Variants in MYH7B observed in about 807,000 individuals in gnomAD.
MYH7B encodes the protein myosin-7B.
A neutral mutation model predicts 234.5 loss-of-function variants in MYH7B; 205 were observed. The observed-to-expected ratio is 0.87, with a 90% CI of 0.78 to 0.98. The LOEUF (loss-of-function observed/expected upper bound fraction) is 0.98, where lower values mean the gene tolerates loss of function less well. Ranked by LOEUF, MYH7B falls within the 50% of genes least tolerant of loss-of-function variation. The probability of loss-of-function intolerance (pLI) is 0.00; values close to 1 mark genes in which losing one functional copy is unlikely to be tolerated. For missense variants in MYH7B, 2,652 were observed against 2,633.4 expected (o/e 1.01, Z -0.15); for synonymous variants, 1,193 against 1,105.0 (o/e 1.08, Z -1.58).
chr20:34,962,691 G>A (rs960637485), intron 2 of MYH7B, among the ~76,000 whole-genome samples: 4 of 152,002 alleles, frequency 2.6e-5, no homozygotes, highest in African/African-American at 9.7e-5. Flanking sequence ...GCAGTGGTGC[G>A]ATCATAGCTC....
At chr20:34,997,620 G>A in exon 32 of MYH7B, 3 of 1,613,542 alleles carry the variant, frequency 1.9e-6, no homozygotes, top group Admixed American at 3.3e-5. Flanking sequence ...TGCCAACGTG[G>A]AGACTCTGAC....
chr20:34,981,139 A>G, intron 9 of MYH7B, 79 bp downstream of exon 9: 2 of 1,573,620 alleles, frequency 1.3e-6, no homozygotes, highest in Non-Finnish European at 1.7e-6. Context: ...GTCATTTCCC[A>G]GGATTGAATC....
exon 44 of MYH7B, chr20:35,001,971 G>T (rs751209114): frequency 1.9e-6 from 3 of 1,613,732 alleles, no homozygotes; most frequent in South Asian, 2.2e-5. Context: ...ACACCAACCT[G>T]GCCAAGTATC....
intron 27 of MYH7B, among the ~76,000 whole-genome samples, chr20:34,994,787 G>A (rs2147223263): frequency 6.6e-6 from 1 of 152,392 alleles, no homozygotes; most frequent in East Asian, 1.9e-4. Flanking sequence ...CAGGTCCACA[G>A]AGCAAGCTTT....
chr20:34,979,852 G>GT lies in MYH7B; in HGVS notation c.342+48_342+49insT, dbSNP rs769231259. On this transcript the variant is annotated intron_variant, in intron 7 of 44. Transcript: ENST00000262873. ...GGGCGGGGTGGGGCTTGTATGTGGG[G>GT]CGGGGCTAGAGATGAGGTGCTGGGG... is the stretch of plus-strand genomic sequence containing the variant. 11 of 1,594,008 alleles carry GT rather than the reference G, an allele frequency of 6.9e-6. No individual in the cohort carries two copies. In the African/African-American group the frequency reaches 1.5e-4, roughly 21 times the overall value.
chr20:34,960,652 A>C (rs532794872), intron 2 of MYH7B, among the ~76,000 whole-genome samples: 1 of 152,250 alleles, frequency 6.6e-6, no homozygotes, highest in South Asian at 2.1e-4. Context: ...ACCCTGCCTC[A>C]TACTGTTGTT....
intron 22 of MYH7B, 71 bp downstream of exon 22, chr20:34,990,381 G>A: frequency 6.5e-7 from 1 of 1,543,608 alleles, no homozygotes; most frequent in Non-Finnish European, 9.0e-7. Context: ...CCCCTGCCCT[G>A]TCCCCTGTGC....
rs566516021 is a variant in MYH7B, at chr20:34,956,691, G to A, written c.-337+684G>A. Among the ~76,000 whole-genome samples, 5 of 152,302 alleles carry A rather than the reference G, an allele frequency of 3.3e-5. No homozygotes were observed. The East Asian group carries it at 7.7e-4, about 23-fold the overall frequency. ...TTGAAGGATGGATAGGAAGGTATAG[G>A]TAGTGAAGGAGGTAGGGGTAGAGGT... On this transcript the variant is annotated intron_variant, in intron 1 of 44. Coordinates refer to ENST00000262873, the Ensembl canonical transcript of MYH7B.
At chr20:34,971,710 C>T (rs1254100188) in intron 2 of MYH7B, among the ~76,000 whole-genome samples, 4 of 152,244 alleles carry the variant, frequency 2.6e-5, no homozygotes, top group Admixed American at 1.3e-4. Context: ...TCAGTGCATC[C>T]TCCACACCAG....
chr20:34,977,674 T>TGCC (rs1162730462), exon 4 of MYH7B: 1 of 1,478,160 alleles, frequency 6.8e-7, no homozygotes, highest in Admixed American at 2.1e-5. Context: ...CTCACCGTGG[T>TGCC]GCCGAGGTAG....
At chr20:34,986,326 CCTT>C (rs1277960435) in intron 14 of MYH7B, 128 bp downstream of exon 14, 25 of 710,208 alleles carry the variant, frequency 3.5e-5, no homozygotes, top group Non-Finnish European at 5.7e-5. Context: ...GGCCTCTCTT[CCTT>C]CTTGGGACTT....
exon 45 of MYH7B, chr20:35,002,216 G>A (rs375197519): frequency 3.3e-6 from 5 of 1,510,302 alleles, no homozygotes; most frequent in Non-Finnish European, 4.4e-6. Flanking sequence ...CTCTAAAGAG[G>A]AATGTCTGCT....
intron 2 of MYH7B, among the ~76,000 whole-genome samples, chr20:34,972,014 T>C (rs1391009893): frequency 6.6e-6 from 1 of 152,118 alleles, no homozygotes. Context: ...ATGCTGTCCA[T>C]TTCCTGTCCC....
At chr20:34,984,898 G>A (rs777792142) in exon 12 of MYH7B, 2 of 1,613,988 alleles carry the variant, frequency 1.2e-6, no homozygotes, top group Non-Finnish European at 8.5e-7. Context: ...CTGCCATGGA[G>A]GCCTTTGGCA....
chr20:34,968,644 C>T (rs1049212558), intron 2 of MYH7B, among the ~76,000 whole-genome samples: 9 of 152,304 alleles, frequency 5.9e-5, no homozygotes, highest in Non-Finnish European at 1.2e-4. Flanking sequence ...TTGGAGCCTG[C>T]GGTTGGGCCA....
intron 2 of MYH7B, among the ~76,000 whole-genome samples, chr20:34,965,483 A>G (rs1303146207): frequency 6.6e-6 from 1 of 152,238 alleles, no homozygotes; most frequent in African/African-American, 2.4e-5. Context: ...GACATGGCCC[A>G]TCAGCAAGCA....
rs1600481561 is a variant in MYH7B, at chr20:35,001,230, T to C, written c.5476-15T>C. The C allele has an allele frequency of 6.2e-7, 1 of 1,607,098 alleles. No individual in the cohort carries two copies. Among genetic ancestry groups the C allele is most frequent in the Non-Finnish European group, 8.5e-7 (1 of 1,176,060 alleles). On this transcript the variant is annotated splice_polypyrimidine_tract_variant and intron_variant, in intron 41 of 44. Coordinates refer to ENST00000262873, the Ensembl canonical transcript of MYH7B. ...CAGGGGTGGGCTTGGCATCAGGCTG[T>C]CCCCCTGCCTGCAGGTACGGGAGCT...
chr20:34,998,573 G>A lies in MYH7B; in HGVS notation c.3937G>A (p.Ala1313Thr), dbSNP rs749848317. 7 of 1,613,520 alleles carry A rather than the reference G, an allele frequency of 4.3e-6. No homozygotes were observed. In the East Asian group the frequency reaches 1.6e-4, roughly 36 times the overall value. The stretch of plus-strand genomic sequence containing the variant: ...GATCAGTCAGCTGAGCCGTGGAAAG[G>A]CCCTGGCCGCCCAAAGCCTGGAAGA... Residue 1313 changes from alanine to threonine, a missense_variant, in exon 34 of 45, where the codon GCC (alanine) becomes ACC (threonine). Transcript: ENST00000262873.
chr20:34,992,864 C>T (rs1268019311), intron 24 of MYH7B, among the ~76,000 whole-genome samples: 3 of 152,192 alleles, frequency 2.0e-5, no homozygotes. Flanking sequence ...GCCACCGCAC[C>T]CAGCCAACCC....
Sources: allele counts gnomAD v4.1 joint callset (sites outside exome capture counted in the v4.1 genomes callset), GRCh38; gene constraint gnomAD v4.1.1; transcripts MANE v1.5; gene names NCBI Gene and HGNC (gene_info 2026-07-23, HGNC 2026-07-21).